The following UBE2E1 variants were observed in gnomAD, a reference collection of about 807,000 sequenced individuals.
UBE2E1 encodes the protein ubiquitin-conjugating enzyme E2 E1.
In UBE2E1, 6 loss-of-function variants were observed where a neutral mutation model predicts 21.4. That is an observed-to-expected ratio of 0.28 (90% CI 0.15 to 0.55). The LOEUF (loss-of-function observed/expected upper bound fraction) is 0.55. Among genes scored for constraint, UBE2E1 ranks in the 20% least tolerant of loss-of-function variants. UBE2E1 has a pLI of 0.93. For synonymous variants in UBE2E1, 87 were observed against 82.7 expected (o/e 1.05, Z -0.28); for missense variants, 142 against 236.5 (o/e 0.60, Z 2.62).
intron 3 of UBE2E1, among the ~76,000 whole-genome samples, chr3:23,869,351 CTTTTTTTTTTT>C (rs58059005): frequency 6.0e-4 from 69 of 114,570 alleles, no homozygotes; most frequent in Middle Eastern, 8.8e-3. Context: ...TTATGGTATC[CTTTTTTTTTTT>C]TTTTTTTTTT....
In UBE2E1 at chr3:23,806,508, A is replaced by AC. The variant is rs1208429618; in HGVS notation, c.-34+427dup. 6.1e-3 allele frequency among the ~76,000 whole-genome samples: 907 copies of AC among 147,512 alleles called. 2 individuals are homozygous for AC. The highest frequency in any genetic ancestry group is 0.015 in the Middle Eastern group (4 of 268). Reference sequence around the variant, plus strand: ...TGTTATGTCTTCGCTGCGGAGGCCGACCCCCCCATTCCCCGCCGCAGCCCC... The same window carrying AC: ...TGTTATGTCTTCGCTGCGGAGGCCGACCCCCCCCATTCCCCGCCGCAGCCCC... On this transcript the variant is annotated intron_variant, in intron 1 of 5. Transcript: ENST00000306627. The surrounding 1 kb of genome is among the most constrained non-coding windows in gnomAD (Gnocchi z 6.5).
At chr3:23,871,699 C>T (rs896042607) in intron 3 of UBE2E1, among the ~76,000 whole-genome samples, 2 of 137,666 alleles carry the variant, frequency 1.5e-5, no homozygotes, top group South Asian at 2.4e-4. Flanking sequence ...CAGACGGGGT[C>T]GCGGCCGGGT....
rs1291833179 is a variant in UBE2E1, at chr3:23,810,800, C to G, written c.153-660C>G. The G allele has an allele frequency of 4.7e-6, 1 of 211,188 alleles. No homozygotes were observed. Among genetic ancestry groups the G allele is most frequent in the Non-Finnish European group, 9.3e-6 (1 of 107,424 alleles). The allele number at this position is 211,188 out of a possible 1,614,324, so 13.1% of individuals were successfully genotyped here. A position where few individuals can be genotyped will look rare whatever the true frequency, so the allele number is the denominator to read the frequency against. On this transcript the variant is annotated intron_variant, in intron 2 of 5. Coordinates refer to ENST00000306627, the MANE Select transcript of UBE2E1 (RefSeq NM_003341.5). This position sits in a 1 kb window ranked among gnomAD's most constrained non-coding sequence, Gnocchi z 5.8. ...GGCGCGGCGCGAGCCGTCGGGGGCG[C>G]GCGCGGGGTGGGGGCGGCGTGGCCG...
chr3:23,852,434 A>T (rs1187855980), intron 3 of UBE2E1, among the ~76,000 whole-genome samples: 1 of 152,060 alleles, frequency 6.6e-6, no homozygotes, highest in Non-Finnish European at 1.5e-5. Context: ...GTATATAGCG[A>T]TGGTTGGTTT....
Position 23,806,217 on chromosome 3 carries a change from G to T in UBE2E1, c.-34+129G>T, listed in dbSNP as rs1033919934. 2.0e-5 allele frequency: 3 copies of T among 148,626 alleles called. No homozygotes were observed. The highest frequency in any genetic ancestry group is 4.5e-5 in the Non-Finnish European group (3 of 66,712). The allele number at this position is 148,626 out of a possible 1,614,324, so 9.2% of individuals were successfully genotyped here. A position where few individuals can be genotyped will look rare whatever the true frequency, so the allele number is the denominator to read the frequency against. On this transcript the variant is annotated intron_variant, in intron 1 of 5. Coordinates refer to ENST00000306627, the MANE Select transcript of UBE2E1 (RefSeq NM_003341.5). This position sits in a 1 kb window ranked among gnomAD's most constrained non-coding sequence, Gnocchi z 6.5. The stretch of plus-strand genomic sequence containing the variant: ...CCGCAGGGCACGGGGCCGGCGCGGG[G>T]GGGGAGCGGAGAGGGGCTGGGGAGC...
At chr3:23,881,449 C>T (rs370999858) in intron 3 of UBE2E1, among the ~76,000 whole-genome samples, 6 of 152,174 alleles carry the variant, frequency 3.9e-5, no homozygotes, top group Non-Finnish European at 8.8e-5. Context: ...CAGTTACATC[C>T]TCTCATGCAG....
intron 5 of UBE2E1, chr3:23,889,972 A>G (rs72627061): frequency 6.4e-6 from 1 of 155,620 alleles, no homozygotes; most frequent in Non-Finnish European, 1.4e-5. Context: ...AACCAAATAT[A>G]AATTTATTAA....
At chr3:23,873,615 G>A (rs535396291) in intron 3 of UBE2E1, among the ~76,000 whole-genome samples, 5 of 152,264 alleles carry the variant, frequency 3.3e-5, no homozygotes, top group African/African-American at 4.8e-5. Context: ...GCATGGTGGC[G>A]TGTGCCTGTA....
chr3:23,840,633 A>T (rs1364481935), intron 3 of UBE2E1, among the ~76,000 whole-genome samples: 1 of 152,166 alleles, frequency 6.6e-6, no homozygotes, highest in Non-Finnish European at 1.5e-5. Flanking sequence ...GGCAATGCAA[A>T]CTATTCTCAG....
rs1368272853 is a variant in UBE2E1 at position 23,806,388 on chromosome 3, C to A, written c.-34+300C>A. On this transcript the variant is annotated intron_variant, in intron 1 of 5. Transcript: ENST00000306627. The surrounding 1 kb of genome is among the most constrained non-coding windows in gnomAD (Gnocchi z 6.5). Reference sequence around the variant, plus strand: ...GAGCCCCCCACTGGCCACCGAGGGGCCCGGGAGCGGGGGTGGGAGGGAGTT... The same window carrying A: ...GAGCCCCCCACTGGCCACCGAGGGGACCGGGAGCGGGGGTGGGAGGGAGTT... 6.6e-6 allele frequency among the ~76,000 whole-genome samples: 1 copy of A among 151,566 alleles called. No homozygotes were observed. The highest frequency in any genetic ancestry group is 1.5e-5 in the Non-Finnish European group (1 of 67,714).
rs1480729132 is a variant in UBE2E1, at chr3:23,810,004, T to G, written c.153-1456T>G. ...CGTAGGGACAGGAAATGTCCTCCAG[T>G]AGGAAGGTTTATAGAACCTCCCCCA... is the stretch of plus-strand genomic sequence containing the variant. On this transcript the variant is annotated intron_variant, in intron 2 of 5. Transcript: ENST00000306627. The surrounding 1 kb of genome is among the most constrained non-coding windows in gnomAD (Gnocchi z 5.8). 2.0e-5 allele frequency among the ~76,000 whole-genome samples: 3 copies of G among 152,204 alleles called. No homozygotes were observed. Among genetic ancestry groups the G allele is most frequent in the African/African-American group, 4.8e-5 (2 of 41,450 alleles).
chr3:23,854,966 T>G (rs909594767), intron 3 of UBE2E1, among the ~76,000 whole-genome samples: 2 of 152,214 alleles, frequency 1.3e-5, no homozygotes, highest in African/African-American at 4.8e-5. Flanking sequence ...CACTGACAGG[T>G]TAGGATTCTC....
intron 3 of UBE2E1, among the ~76,000 whole-genome samples, chr3:23,847,451 A>T (rs1700231627): frequency 6.6e-6 from 1 of 152,012 alleles, no homozygotes; most frequent in Non-Finnish European, 1.5e-5. Context: ...TAGTTTTAAA[A>T]ATATATTTCA....
intron 3 of UBE2E1, among the ~76,000 whole-genome samples, chr3:23,833,327 A>G (rs1169831612): frequency 1.3e-5 from 2 of 152,238 alleles, no homozygotes; most frequent in African/African-American, 4.8e-5. Context: ...TTTGATAGTC[A>G]TATATTTAAA....
At chr3:23,883,346 C>G (rs916093041) in intron 3 of UBE2E1, among the ~76,000 whole-genome samples, 2 of 152,104 alleles carry the variant, frequency 1.3e-5, no homozygotes, top group African/African-American at 4.8e-5. Context: ...AGGTGGGATG[C>G]TTGAACAGCC....
intron 3 of UBE2E1, among the ~76,000 whole-genome samples, chr3:23,867,653 G>T (rs1700686798): frequency 6.6e-6 from 1 of 152,128 alleles, no homozygotes; most frequent in Admixed American, 6.5e-5. Context: ...TCCTGCTGTT[G>T]GAGTACACTT....
At chr3:23,817,875 T>G (rs560116471) in intron 3 of UBE2E1, among the ~76,000 whole-genome samples, 1 of 152,192 alleles carries the variant, frequency 6.6e-6, no homozygotes, top group Non-Finnish European at 1.5e-5. Context: ...TTTTATTATG[T>G]AGATGCTGGA....
chr3:23,811,740 A>G (rs1422848477), intron 3 of UBE2E1, among the ~76,000 whole-genome samples: 1 of 152,232 alleles, frequency 6.6e-6, no homozygotes, highest in Non-Finnish European at 1.5e-5. Flanking sequence ...GGATTTTTAC[A>G]TATATGAAAC....
At chr3:23,866,345 G>A (rs1700656570) in intron 3 of UBE2E1, 1 of 152,200 alleles carries the variant, frequency 6.6e-6, no homozygotes, top group Non-Finnish European at 1.5e-5. Context: ...CTCAGGCAGG[G>A]GTTGACCTCA....
Sources: allele counts gnomAD v4.1 joint callset (sites outside exome capture counted in the v4.1 genomes callset), GRCh38; gene constraint gnomAD v4.1.1; non-coding constraint Gnocchi (gnomAD v3.1); transcripts MANE v1.5; gene names NCBI Gene and HGNC (gene_info 2026-07-23, HGNC 2026-07-21).